The following ADK variants were observed in gnomAD, a reference collection of about 807,000 sequenced individuals.
ADK encodes the protein adenosine kinase, also known as N6,N6-dimethyladenosine kinase.
Under a neutral mutation model 44.7 loss-of-function variants are expected in ADK, and 24 were observed. That is an observed-to-expected ratio of 0.54 (90% CI 0.39 to 0.76). The LOEUF is 0.76. Among genes scored for constraint, ADK ranks in the 30% least tolerant of loss-of-function variants. The probability of loss-of-function intolerance (pLI) is 0.00; values close to 1 mark genes in which losing one functional copy is unlikely to be tolerated. For missense variants in ADK, 321 were observed against 425.1 expected (o/e 0.76, Z 2.15); for synonymous variants, 128 against 142.6 (o/e 0.90, Z 0.73).
At chr10:74,257,006 G>A (rs1463015981) in intron 3 of ADK, among the ~76,000 whole-genome samples, 1 of 152,074 alleles carries the variant, frequency 6.6e-6, no homozygotes, top group Non-Finnish European at 1.5e-5. Flanking sequence ...GCAACTAAGA[G>A]TCATTTTGAA....
At chr10:74,174,834 A>G (rs1267035024) in intron 1 of ADK, among the ~76,000 whole-genome samples, 1 of 152,254 alleles carries the variant, frequency 6.6e-6, no homozygotes, top group East Asian at 1.9e-4. Context: ...CATTCTGGAT[A>G]GGCATTTCCC....
At chr10:74,473,890 C>A (rs191380389) in intron 6 of ADK, among the ~76,000 whole-genome samples, 1 of 151,978 alleles carries the variant, frequency 6.6e-6, no homozygotes, top group Non-Finnish European at 1.5e-5. Flanking sequence ...AGGATATAGC[C>A]ACCACAGTAA....
intron 9 of ADK, among the ~76,000 whole-genome samples, chr10:74,668,181 T>A (rs1855035759): frequency 6.6e-6 from 1 of 152,234 alleles, no homozygotes; most frequent in South Asian, 2.1e-4. Context: ...CTGTATAGTG[T>A]AGCTTGTACT....
intron 6 of ADK, among the ~76,000 whole-genome samples, chr10:74,488,238 C>G (rs1308585231): frequency 6.6e-6 from 1 of 151,708 alleles, no homozygotes; most frequent in Non-Finnish European, 1.5e-5. Flanking sequence ...GTATTAGATC[C>G]TTGACTATAT....
chr10:74,202,050 C>A (rs1016301318), intron 2 of ADK, among the ~76,000 whole-genome samples: 1 of 152,092 alleles, frequency 6.6e-6, no homozygotes, highest in Non-Finnish European at 1.5e-5. Context: ...ATTTTCATCA[C>A]CCCAAAATGA....
At chr10:74,238,303 T>G (rs905721667) in intron 3 of ADK, among the ~76,000 whole-genome samples, 1 of 152,164 alleles carries the variant, frequency 6.6e-6, no homozygotes, top group African/African-American at 2.4e-5. Flanking sequence ...AAGTACATGC[T>G]TCCTTATAAC....
chr10:74,510,485 C>A (rs528586202), intron 6 of ADK, among the ~76,000 whole-genome samples: 23 of 152,188 alleles, frequency 1.5e-4, no homozygotes, highest in Non-Finnish European at 2.4e-4. Context: ...GAATAGTTTG[C>A]AAATATTTTT....
chr10:74,166,433 C>T (rs35333397), intron 1 of ADK, among the ~76,000 whole-genome samples: 77,163 of 151,910 alleles, frequency 0.51, 20,608 homozygotes, highest in Non-Finnish European at 0.6. Flanking sequence ...CATCCTCCCA[C>T]CGCAGCCTCC....
chr10:74,363,237 A>G (rs886312227), intron 4 of ADK, among the ~76,000 whole-genome samples: 3 of 152,184 alleles, frequency 2.0e-5, no homozygotes, highest in South Asian at 4.1e-4. Context: ...CATAGATGGA[A>G]TGATTCCCTG....
chr10:74,326,353 T>C (rs1423493087), intron 4 of ADK, among the ~76,000 whole-genome samples: 4 of 151,972 alleles, frequency 2.6e-5, no homozygotes, highest in African/African-American at 9.7e-5. Context: ...ACCCCAGCAC[T>C]TTGGGAGGCT....
chr10:74,151,350 G>A lies in ADK; in HGVS notation c.65+7G>A. On this transcript the variant is annotated splice_region_variant and intron_variant, in intron 1 of 10. Transcript: ENST00000539909. The stretch of plus-strand genomic sequence containing the variant: ...AGGCGCCGCAAGCGCTGAGGTGAGC[G>A]CTGCCGGACTTGGGGAGGAGGGTGA... 6.5e-7 allele frequency: 1 copy of A among 1,549,534 alleles called. No homozygotes were observed. Among genetic ancestry groups the A allele is most frequent in the Non-Finnish European group, 8.7e-7 (1 of 1,146,774 alleles).
intron 3 of ADK, among the ~76,000 whole-genome samples, chr10:74,241,223 G>A (rs1438042574): frequency 6.6e-6 from 1 of 152,062 alleles, no homozygotes; most frequent in African/African-American, 2.4e-5. Context: ...TTACTTTTTA[G>A]AGCTGTTTTA....
chr10:74,621,819 T>G (rs1052747954), intron 9 of ADK, among the ~76,000 whole-genome samples: 1 of 152,170 alleles, frequency 6.6e-6, no homozygotes, highest in African/African-American at 2.4e-5. Flanking sequence ...GATCTAGGAC[T>G]AAGCCACCTC....
At chr10:74,634,216 T>A (rs989152050) in intron 9 of ADK, among the ~76,000 whole-genome samples, 3 of 152,170 alleles carry the variant, frequency 2.0e-5, no homozygotes, top group Non-Finnish European at 4.4e-5. Context: ...TATTTATTTT[T>A]TTTTTTTGAG....
chr10:74,266,664 C>T (rs1206089535), intron 3 of ADK, among the ~76,000 whole-genome samples: 3 of 152,094 alleles, frequency 2.0e-5, no homozygotes, highest in African/African-American at 7.2e-5. Context: ...ATATTTTCTT[C>T]TCCAGTGATC....
chr10:74,686,826 C>T (rs375372082), intron 10 of ADK, among the ~76,000 whole-genome samples: 39 of 151,982 alleles, frequency 2.6e-4, no homozygotes, highest in African/African-American at 8.7e-4. Context: ...TACAGGTGTG[C>T]GCCACCACGC....
At chr10:74,374,558 C>G (rs1012389596) in intron 4 of ADK, among the ~76,000 whole-genome samples, 6 of 152,062 alleles carry the variant, frequency 3.9e-5, no homozygotes, top group African/African-American at 9.7e-5. Context: ...GGAGAATTAT[C>G]TCCCATTTTT....
At chr10:74,392,880 T>C (rs1228634035) in intron 4 of ADK, among the ~76,000 whole-genome samples, 1 of 152,172 alleles carries the variant, frequency 6.6e-6, no homozygotes, top group Non-Finnish European at 1.5e-5. Flanking sequence ...TTTTCCTTTT[T>C]TTGTGTTGTT....
At chr10:74,536,355 T>G (rs1263163135) in intron 7 of ADK, among the ~76,000 whole-genome samples, 1 of 151,960 alleles carries the variant, frequency 6.6e-6, no homozygotes, top group Non-Finnish European at 1.5e-5. Flanking sequence ...TACCTGAAAA[T>G]ATTTGGTTAG....
Sources: allele counts gnomAD v4.1 joint callset (sites outside exome capture counted in the v4.1 genomes callset), GRCh38; gene constraint gnomAD v4.1.1; transcripts MANE v1.5; gene names NCBI Gene and HGNC (gene_info 2026-07-23, HGNC 2026-07-21).